Variants in FRMD5 observed in about 807,000 individuals in gnomAD.
FRMD5 encodes FERM domain-containing protein 5.
Under a neutral mutation model 69.0 loss-of-function variants are expected in FRMD5, and 20 were observed. The ratio of observed to expected loss-of-function variants is 0.29; its 90% confidence interval spans 0.20 to 0.42. The LOEUF (loss-of-function observed/expected upper bound fraction) is 0.42, where lower values mean the gene tolerates loss of function less well. Ranked by LOEUF, FRMD5 falls within the 10% of genes least tolerant of loss-of-function variation. The pLI is 1.00. For synonymous variants in FRMD5, 271 were observed against 260.1 expected, an observed-to-expected ratio of 1.04 and a Z score of -0.40; for missense variants, 595 against 708.6, an observed-to-expected ratio of 0.84 and a Z score of 1.82.
chr15:43,874,222 T>G lies in FRMD5; in HGVS notation c.1376A>C (p.Glu459Ala), dbSNP rs2088254733. 1 of 1,613,974 alleles carries G rather than the reference T, an allele frequency of 6.2e-7. No homozygotes were observed. Among genetic ancestry groups the G allele is most frequent in the Non-Finnish European group, 8.5e-7 (1 of 1,180,000 alleles). The change falls in exon 14 of 14, where the codon GAG becomes GCG. Residue 459 changes from glutamate to alanine, a missense_variant. Coordinates refer to ENST00000417257, the MANE Select transcript of FRMD5 (RefSeq NM_032892.5). Reference protein sequence around the residue: ...INGATCSIEEEKESEASTPTA... With the variant: ...INGATCSIEEAKESEASTPTA... ...TGGGGTGCTGGCTTCAGATTCCTTC[T>G]CCTCCTCAATGCTGCAGGTGGCTCC...
At chr15:43,874,772 T>G (rs918939318) in intron 13 of FRMD5, among the ~76,000 whole-genome samples, 8 of 151,372 alleles carry the variant, frequency 5.3e-5, no homozygotes, top group Non-Finnish European at 7.4e-5. Flanking sequence ...TGGTGGCACA[T>G]GCCTGTAATC....
intron 1 of FRMD5, among the ~76,000 whole-genome samples, chr15:43,964,034 T>G (rs1039451669): frequency 9.9e-5 from 15 of 151,958 alleles, no homozygotes; most frequent in Admixed American, 3.3e-4. Flanking sequence ...TGTGCACATG[T>G]ACCCTAAAAC....
At chr15:44,073,161 T>C (rs1220917200) in intron 1 of FRMD5, among the ~76,000 whole-genome samples, 3 of 152,122 alleles carry the variant, frequency 2.0e-5, no homozygotes, top group East Asian at 3.9e-4. Flanking sequence ...AATTTTAAGA[T>C]AAAAAATAGT....
chr15:43,949,752 T>C (rs2089997914), intron 1 of FRMD5, among the ~76,000 whole-genome samples: 1 of 152,190 alleles, frequency 6.6e-6, no homozygotes, highest in Non-Finnish European at 1.5e-5. Flanking sequence ...ACATTAATCA[T>C]GCATTAGGAG....
intron 13 of FRMD5, among the ~76,000 whole-genome samples, chr15:43,875,465 T>G (rs1221994573): frequency 6.6e-6 from 1 of 150,848 alleles, no homozygotes; most frequent in Non-Finnish European, 1.5e-5. Flanking sequence ...TGCTTTTTGC[T>G]TACGGTTTTG....
In FRMD5 at chr15:43,871,088, T is replaced by C. The variant is rs980574027; in HGVS notation, c.*2797A>G. 4 of 152,172 alleles carry C rather than the reference T, an allele frequency of 2.6e-5. No homozygotes were observed. The highest frequency in any genetic ancestry group is 9.7e-5 in the African/African-American group (4 of 41,434). 9.4% of individuals were successfully genotyped at this position (152,172 alleles called of 1,614,324 possible). On this transcript the variant is annotated 3_prime_UTR_variant, in exon 14 of 14. Transcript: ENST00000417257. ...TAATTTTGAGAGAAAATGAGAGACATGTTAGAACACAGTATAACCAGGTTA... is the reference window on the plus strand; with the variant it reads ...TAATTTTGAGAGAAAATGAGAGACACGTTAGAACACAGTATAACCAGGTTA...
intron 1 of FRMD5, among the ~76,000 whole-genome samples, chr15:44,084,311 C>G (rs755981941): frequency 6.6e-5 from 10 of 152,034 alleles, no homozygotes; most frequent in Non-Finnish European, 1.5e-4. Flanking sequence ...AAGAATCAAT[C>G]TCTCATGGTA....
intron 1 of FRMD5, among the ~76,000 whole-genome samples, chr15:43,966,396 A>G (rs1432787993): frequency 6.6e-6 from 1 of 152,084 alleles, no homozygotes; most frequent in Non-Finnish European, 1.5e-5. Context: ...ACAAACAAAC[A>G]AAGTTTACCA....
At chr15:44,107,561 G>A (rs942325896) in intron 1 of FRMD5, among the ~76,000 whole-genome samples, 2 of 151,878 alleles carry the variant, frequency 1.3e-5, no homozygotes, top group African/African-American at 4.8e-5. Flanking sequence ...GTTATCAGCC[G>A]AAAAATGCTG....
chr15:44,115,203 A>G (rs2076851902), intron 1 of FRMD5, among the ~76,000 whole-genome samples: 1 of 152,210 alleles, frequency 6.6e-6, no homozygotes, highest in Non-Finnish European at 1.5e-5. Flanking sequence ...GTCAAATTAT[A>G]TAAATACAAC....
intron 1 of FRMD5, among the ~76,000 whole-genome samples, chr15:44,175,490 CT>C (rs2077878111): frequency 6.6e-6 from 1 of 152,158 alleles, no homozygotes; most frequent in Admixed American, 6.5e-5. Context: ...CACAAAGTAT[CT>C]AGAATTCTCA....
chr15:44,128,426 G>A (rs1363823772), intron 1 of FRMD5, among the ~76,000 whole-genome samples: 1 of 152,136 alleles, frequency 6.6e-6, no homozygotes, highest in Non-Finnish European at 1.5e-5. Flanking sequence ...GCAGTGAGTC[G>A]AGATCATGCC....
intron 1 of FRMD5, among the ~76,000 whole-genome samples, chr15:44,118,413 TCTC>T (rs746824273): frequency 5.3e-5 from 8 of 152,172 alleles, no homozygotes; most frequent in Non-Finnish European, 1.2e-4. Flanking sequence ...ATATTTGTGG[TCTC>T]CTCCTCTGAC....
intron 1 of FRMD5, among the ~76,000 whole-genome samples, chr15:44,071,703 T>C (rs2140414629): frequency 6.6e-6 from 1 of 152,332 alleles, no homozygotes; most frequent in Admixed American, 6.5e-5. Flanking sequence ...ATGTACTCTT[T>C]TCCATCTCTT....
chr15:43,928,520 G>A (rs1443055808), intron 1 of FRMD5, among the ~76,000 whole-genome samples: 9 of 152,144 alleles, frequency 5.9e-5, no homozygotes, highest in Admixed American at 5.9e-4. Flanking sequence ...CCATCATGAT[G>A]GGCTCCCTAC....
intron 13 of FRMD5, among the ~76,000 whole-genome samples, chr15:43,876,787 T>G (rs2088372047): frequency 6.6e-6 from 1 of 152,172 alleles, no homozygotes; most frequent in African/African-American, 2.4e-5. Flanking sequence ...TCTTTTCCTC[T>G]GAGAAGGAGC....
chr15:44,083,294 A>G (rs1364247001), intron 1 of FRMD5, among the ~76,000 whole-genome samples: 4 of 152,052 alleles, frequency 2.6e-5, no homozygotes, highest in African/African-American at 9.6e-5. Flanking sequence ...TTCTAAATGC[A>G]TCCACTAAAG....
At chr15:43,874,557 C>A in intron 13 of FRMD5, 95 bp from the exon 14 acceptor site, 1 of 854,868 alleles carries the variant, frequency 1.2e-6, no homozygotes, top group Non-Finnish European at 1.9e-6. Context: ...CCATTCTGCA[C>A]ACCCACATGA....
In FRMD5 at chr15:43,924,319, A is replaced by G. The variant is rs1408844216; in HGVS notation, c.103-10T>C. Reference sequence around the variant, plus strand: ...GGCCTTTGGCATCTCTCTGCAAAGAAAGAAAACTCCATTGAGAAATGAGTG... The same window carrying G: ...GGCCTTTGGCATCTCTCTGCAAAGAGAGAAAACTCCATTGAGAAATGAGTG... On this transcript the variant is annotated splice_polypyrimidine_tract_variant and intron_variant, in intron 1 of 13. Coordinates refer to ENST00000417257, the MANE Select transcript of FRMD5 (RefSeq NM_032892.5). 6.2e-7 allele frequency: 1 copy of G among 1,604,264 alleles called. No individual in the cohort carries two copies. The highest frequency in any genetic ancestry group is 1.7e-5 in the Admixed American group (1 of 59,858).
Sources: gnomAD v4.1 joint callset for allele counts (sites outside exome capture counted in the v4.1 genomes callset) on GRCh38, gnomAD v4.1.1 for gene constraint, MANE v1.5 for transcripts, NCBI Gene and HGNC (gene_info 2026-07-23, HGNC 2026-07-21) for gene names.